Variants in HSF1 observed in about 807,000 individuals in gnomAD.
HSF1 encodes heat shock factor protein 1.
Under a neutral mutation model 51.7 loss-of-function variants are expected in HSF1, and 32 were observed. The observed-to-expected ratio is 0.62, with a 90% CI of 0.47 to 0.83. The LOEUF (loss-of-function observed/expected upper bound fraction) is 0.83, where lower values mean the gene tolerates loss of function less well. HSF1 is among the 40% of genes least tolerant of loss of function. HSF1 has a pLI of 0.00. For synonymous variants in HSF1, 396 were observed against 309.7 expected (o/e 1.28, Z -2.92); for missense variants, 727 against 717.0 (o/e 1.01, Z -0.16).
rs1554843764 is a variant in HSF1 at position 144,308,979 on chromosome 8, A to G, written c.191A>G (p.Asn64Ser). 3 of 1,614,098 alleles carry G rather than the reference A, an allele frequency of 1.9e-6. No individual in the cohort carries two copies. The highest frequency in any genetic ancestry group is 1.7e-6 in the Non-Finnish European group (2 of 1,179,948). Residue 64 changes from asparagine (N) to serine (S), a missense_variant, in exon 2 of 13, where the codon AAC becomes AGC. This residue lies in a region of HSF1 where 257 missense variants were observed against 318.3 expected (regional missense o/e 0.81). Transcript: ENST00000528838. Reference protein sequence around the residue: ...KEVLPKYFKHNNMASFVRQLN... With the variant: ...KEVLPKYFKHSNMASFVRQLN... ...GTGCTGCCCAAGTACTTCAAGCACA[A>G]CAACATGGCCAGCTTCGTGCGGCAG...
chr8:144,313,258 TC>T (rs1816807473), intron 9 of HSF1: 7 of 515,572 alleles, frequency 1.4e-5, no homozygotes, highest in Middle Eastern at 5.2e-4. Context: ...GTCTCCTGGG[TC>T]CACTGCCACC....
At position 144,306,946 on chromosome 8, in the gene HSF1, G is replaced by A. The variant is rs148615903; in HGVS notation, c.118-1960G>A. Among the ~76,000 whole-genome samples the A allele has an allele frequency of 3.3e-3, 502 of 152,010 alleles. 4 individuals carry two copies. Among genetic ancestry groups the A allele is most frequent in the African/African-American group, 0.012 (478 of 41,484 alleles). Reference sequence around the variant, plus strand: ...GTGTGTGTGTGTGTGTGTTGGGGACGCCTTCAGCACTCGGCCAGGCAGTGG... The same window carrying A: ...GTGTGTGTGTGTGTGTGTTGGGGACACCTTCAGCACTCGGCCAGGCAGTGG... On this transcript the variant is annotated intron_variant, in intron 1 of 12. Coordinates refer to ENST00000528838, the MANE Select transcript of HSF1 (RefSeq NM_005526.4).
rs369564684 is a variant in HSF1 at position 144,314,347 on chromosome 8, G to A, written c.*17G>A. On this transcript the variant is annotated 3_prime_UTR_variant, in exon 13 of 13. Transcript: ENST00000528838. The stretch of plus-strand genomic sequence containing the variant: ...GTCTCCTAGAGGCCCCGGAGGAGCT[G>A]GGCCAGCCGCCCACCCCCACCCCCA... 143 of 1,538,692 alleles carry A rather than the reference G, an allele frequency of 9.3e-5. No individual in the cohort carries two copies. Among genetic ancestry groups the A allele is most frequent in the Non-Finnish European group, 1.8e-5 (21 of 1,137,670 alleles).
At chr8:144,296,308 G>T (rs1588625566) in intron 1 of HSF1, among the ~76,000 whole-genome samples, 1 of 152,210 alleles carries the variant, frequency 6.6e-6, no homozygotes, top group Admixed American at 6.5e-5. Flanking sequence ...AGCTCCCACG[G>T]CAGGCAGGGC....
At chr8:144,304,104 C>T (rs1816065241) in intron 1 of HSF1, among the ~76,000 whole-genome samples, 1 of 150,804 alleles carries the variant, frequency 6.6e-6, no homozygotes, top group Admixed American at 6.7e-5. Context: ...GGTGGTCTGC[C>T]CAGCCCATGA....
Position 144,311,948 on chromosome 8 carries a change from C to A in HSF1, c.861-15C>A, listed in dbSNP as rs1222724011. ...TGGCCGAGACGCCAGCTCACCTGGC[C>A]CCCCTCGTGTGCAGGCCCCTATCCA... On this transcript the variant is annotated splice_polypyrimidine_tract_variant and intron_variant, in intron 8 of 12. Transcript: ENST00000528838. 12 of 1,579,210 alleles carry A rather than the reference C, an allele frequency of 7.6e-6. No individual in the cohort carries two copies. Among genetic ancestry groups the A allele is most frequent in the East Asian group, 2.3e-5 (1 of 43,902 alleles).
intron 1 of HSF1, among the ~76,000 whole-genome samples, chr8:144,295,359 C>T (rs957956836): frequency 1.1e-4 from 17 of 152,324 alleles, no homozygotes; most frequent in African/African-American, 3.1e-4. Context: ...AAAGTAATCT[C>T]GACATCTGAG....
At chr8:144,309,980 A>C in intron 4 of HSF1, 84 bp downstream of exon 4, 1 of 1,504,412 alleles carries the variant, frequency 6.6e-7, no homozygotes. Flanking sequence ...CAGGGCCCTG[A>C]CCGGGGCCAG....
At chr8:144,301,750 A>G (rs569720554) in intron 1 of HSF1, among the ~76,000 whole-genome samples, 1 of 150,096 alleles carries the variant, frequency 6.7e-6, no homozygotes, top group African/African-American at 2.5e-5. Flanking sequence ...CTGTAGTCCT[A>G]GCTACTCGGG....
rs782759334 is a variant in HSF1 at position 144,313,840 on chromosome 8, C to T, written c.1249-6C>T. The T allele has an allele frequency of 2.5e-6, 4 of 1,573,174 alleles. No individual in the cohort carries two copies. Among genetic ancestry groups the T allele is most frequent in the Non-Finnish European group, 3.4e-6 (4 of 1,164,790 alleles). On this transcript the variant is annotated splice_region_variant and splice_polypyrimidine_tract_variant and intron_variant, in intron 10 of 12. Coordinates refer to ENST00000528838, the MANE Select transcript of HSF1 (RefSeq NM_005526.4). Reference sequence around the variant, plus strand: ...TGCTGTTCTGACTTCCCTCCCTCCTCCGCAGCTGTTCAGCCCCTCGGTGAC... The same window carrying T: ...TGCTGTTCTGACTTCCCTCCCTCCTTCGCAGCTGTTCAGCCCCTCGGTGAC...
chr8:144,312,148 C>T lies in HSF1; in HGVS notation c.1046C>T (p.Thr349Met), dbSNP rs537841995. The T allele has an allele frequency of 1.9e-5, 31 of 1,611,516 alleles. No individual in the cohort carries two copies. The highest frequency in any genetic ancestry group is 5.5e-5 in the South Asian group (5 of 91,072). ...GCCCCCGCCTCCGTCACAGCCCTCA[C>T]GGACGCCAGGGGCCACACGGACACC... ...EPAPASVTALTDARGHTDTEG... is the reference protein window; with the variant it reads ...EPAPASVTALMDARGHTDTEG... Residue 349 changes from threonine to methionine, a missense_variant, in exon 9 of 13, where the codon ACG (threonine) becomes ATG (methionine). By Grantham distance (81) the Thr-to-Met change is moderately conservative (BLOSUM62 -1). Around this residue, in one of 2 missense-constraint regions of HSF1, gnomAD observed 470 missense variants for 398.8 expected, o/e 1.18. Transcript: ENST00000528838.
rs1185027884 is a variant in HSF1 at position 144,309,871 on chromosome 8, G to A, written c.463G>A (p.Asp155Asn). The A allele has an allele frequency of 2.5e-6, 4 of 1,613,700 alleles. No homozygotes were observed. Among genetic ancestry groups the A allele is most frequent in the African/African-American group, 1.3e-5 (1 of 74,914 alleles). ...GATGAAGGGGAAGCAGGAGTGCATG[G>A]ACTCCAAGCTCCTGGCCATGAAGCA... is the stretch of plus-strand genomic sequence containing the variant. ...QLMKGKQECM[D>N]SKLLAMKHEN... Residue 155 changes from aspartate to asparagine, a missense_variant, in exon 4 of 13, where the codon GAC (aspartate) becomes AAC (asparagine). Coordinates refer to ENST00000528838, the MANE Select transcript of HSF1 (RefSeq NM_005526.4).
rs1815546365 is a variant in HSF1, at chr8:144,297,468, C to T, written c.117+5594C>T. On this transcript the variant is annotated intron_variant, in intron 1 of 12. Coordinates refer to ENST00000528838, the MANE Select transcript of HSF1 (RefSeq NM_005526.4). This position sits in a 1 kb window ranked among gnomAD's most constrained non-coding sequence, Gnocchi z 4.6. ...TGGCGAGAACACGCTGGAAGCTCCTCCAGAGCGGAAACAAGAAGAGTGTTT... is the reference window on the plus strand; with the variant it reads ...TGGCGAGAACACGCTGGAAGCTCCTTCAGAGCGGAAACAAGAAGAGTGTTT... Among the ~76,000 whole-genome samples the T allele has an allele frequency of 6.6e-6, 1 of 152,160 alleles. No homozygotes were observed. Among genetic ancestry groups the T allele is most frequent in the Non-Finnish European group, 1.5e-5 (1 of 68,030 alleles).
rs782374329 is a variant in HSF1 at position 144,312,004 on chromosome 8, C to A, written c.902C>A (p.Pro301His). The A allele has an allele frequency of 6.3e-7, 1 of 1,596,796 alleles. No homozygotes were observed. Among genetic ancestry groups the A allele is most frequent in the Non-Finnish European group, 8.5e-7 (1 of 1,170,330 alleles). The change falls in exon 9 of 13, where the codon CCC becomes CAC. Residue 301 changes from proline to histidine, a missense_variant. By Grantham distance (77) the Pro-to-His change is moderately conservative. Coordinates refer to ENST00000528838, the MANE Select transcript of HSF1 (RefSeq NM_005526.4). ...CCCCTGGTGCGTGTCAAGGAGGAGCCCCCCAGCCCGCCTCAGAGCCCCCGG... is the reference window on the plus strand; with the variant it reads ...CCCCTGGTGCGTGTCAAGGAGGAGCACCCCAGCCCGCCTCAGAGCCCCCGG... Reference protein sequence around the residue: ...SSPLVRVKEEPPSPPQSPRVE... With the variant: ...SSPLVRVKEEHPSPPQSPRVE...
At chr8:144,312,711 G>C in intron 9 of HSF1, 1 of 1,535,310 alleles carries the variant, frequency 6.5e-7, no homozygotes, top group Non-Finnish European at 8.7e-7. Flanking sequence ...GTCCAGCCAG[G>C]GTTAGCGCTG....
At chr8:144,300,891 G>A (rs1231393493) in intron 1 of HSF1, among the ~76,000 whole-genome samples, 1 of 152,128 alleles carries the variant, frequency 6.6e-6, no homozygotes, top group Non-Finnish European at 1.5e-5. Flanking sequence ...GGACACTGGT[G>A]TAGGGCATGT....
chr8:144,296,915 CG>C (rs1213727628), intron 1 of HSF1, among the ~76,000 whole-genome samples: 1 of 123,836 alleles, frequency 8.1e-6, no homozygotes, highest in African/African-American at 3.0e-5. Flanking sequence ...TCCTCTGCCC[CG>C]GATGGTGTGG....
Position 144,309,545 on chromosome 8 carries a change from G to T in HSF1, c.317G>T (p.Arg106Leu), listed in dbSNP as rs1050279298. Residue 106 changes from arginine (R) to leucine (L), a missense_variant, in exon 3 of 13, where the codon CGT becomes CTT. Around this residue, in one of 2 missense-constraint regions of HSF1, gnomAD observed 257 missense variants for 318.3 expected, o/e 0.81. Coordinates refer to ENST00000528838, the MANE Select transcript of HSF1 (RefSeq NM_005526.4). ...DTEFQHPCFL[R>L]GQEQLLENIK... ...GAGTTCCAGCACCCATGCTTCCTGCGTGGCCAGGAGCAGCTCCTTGAGAAC... is the reference window on the plus strand; with the variant it reads ...GAGTTCCAGCACCCATGCTTCCTGCTTGGCCAGGAGCAGCTCCTTGAGAAC... The T allele has an allele frequency of 2.5e-6, 4 of 1,613,922 alleles. No homozygotes were observed. In the African/African-American group the frequency reaches 4.0e-5, roughly 16 times the overall value.
In HSF1 at chr8:144,297,250, G is replaced by A. The variant is rs187844595; in HGVS notation, c.117+5376G>A. On this transcript the variant is annotated intron_variant, in intron 1 of 12. Transcript: ENST00000528838. The surrounding 1 kb of genome is among the most constrained non-coding windows in gnomAD (Gnocchi z 4.6). ...TCCTCAAGGTCTGGCAGGTGGAGGG[G>A]AGGCTGTCTAAGGAAAGGAGGTGGT... Among the ~76,000 whole-genome samples, 490 of 152,276 alleles carry A rather than the reference G, an allele frequency of 3.2e-3. 1 individual carries two copies. Among genetic ancestry groups the A allele is most frequent in the African/African-American group, 0.011 (447 of 41,550 alleles).
Sources: allele counts gnomAD v4.1 joint callset (sites outside exome capture counted in the v4.1 genomes callset), GRCh38; gene constraint gnomAD v4.1.1; regional missense constraint gnomAD v4.1.1; non-coding constraint Gnocchi (gnomAD v3.1); transcripts MANE v1.5; gene names NCBI Gene and HGNC (gene_info 2026-07-23, HGNC 2026-07-21).